Variants in FHAD1 observed in about 807,000 individuals in gnomAD.
The protein encoded by FHAD1 is forkhead associated phosphopeptide binding domain 1.
Under a neutral mutation model 191.3 loss-of-function variants are expected in FHAD1, and 146 were observed. That is an observed-to-expected ratio of 0.76 (90% CI 0.67 to 0.88). The LOEUF (loss-of-function observed/expected upper bound fraction) is 0.88, where lower values mean the gene tolerates loss of function less well. Ranked by LOEUF, FHAD1 falls within the 40% of genes least tolerant of loss-of-function variation. The probability of loss-of-function intolerance (pLI) is 0.00; values close to 1 mark genes in which losing one functional copy is unlikely to be tolerated. For synonymous variants in FHAD1, 616 were observed against 672.3 expected, an observed-to-expected ratio of 0.92 and a Z score of 1.29; for missense variants, 1,635 against 1,785.8, an observed-to-expected ratio of 0.92 and a Z score of 1.52.
At chr1:15,351,380 A>T (rs750690080) in intron 19 of FHAD1, among the ~76,000 whole-genome samples, 23 of 152,286 alleles carry the variant, frequency 1.5e-4, no homozygotes, top group East Asian at 5.8e-4. Context: ...AAATTTTTTT[A>T]AAAAGTCTCC....
intron 6 of FHAD1, among the ~76,000 whole-genome samples, chr1:15,303,714 T>C (rs1315186740): frequency 6.6e-6 from 1 of 152,140 alleles, no homozygotes; most frequent in Non-Finnish European, 1.5e-5. Flanking sequence ...CCAAGCGTGA[T>C]GGTGCGTGCC....
In FHAD1 at chr1:15,381,488, G is replaced by A. The variant is rs2473333; in HGVS notation, c.4022+37G>A. ...CCCCCATGTCCCCACAGAAAGGCCC[G>A]GGCCTCCCTTCTCCTGGCTAAACTC... On this transcript the variant is annotated intron_variant, in intron 30 of 33. Coordinates refer to ENST00000688493, the MANE Select transcript of FHAD1 (RefSeq NM_001391957.1). This position sits in a 1 kb window ranked among gnomAD's most constrained non-coding sequence, Gnocchi z 4.6. 358,642 of 1,490,036 alleles carry A rather than the reference G, an allele frequency of 0.24. 44,534 individuals are homozygous for A. The highest frequency in any genetic ancestry group is 0.33 in the South Asian group (27,050 of 82,320). The allele number at this position is 1,490,036 out of a possible 1,614,324, so 92.3% of individuals were successfully genotyped here. A position where few individuals can be genotyped will look rare whatever the true frequency, so the allele number is the denominator to read the frequency against.
At chr1:15,354,958 C>A (rs911949175) in intron 20 of FHAD1, among the ~76,000 whole-genome samples, 5 of 152,314 alleles carry the variant, frequency 3.3e-5, no homozygotes, top group Admixed American at 6.5e-5. Flanking sequence ...CCTGTAATCC[C>A]AGCACTTTGG....
Position 15,256,489 on chromosome 1 carries a change from C to A in FHAD1, c.93+4612C>A, listed in dbSNP as rs909918832. 3.3e-5 allele frequency among the ~76,000 whole-genome samples: 5 copies of A among 151,870 alleles called. No individual in the cohort carries two copies. The South Asian group carries it at 6.2e-4, about 19-fold the overall frequency. On this transcript the variant is annotated intron_variant, in intron 2 of 33. Coordinates refer to ENST00000688493, the MANE Select transcript of FHAD1 (RefSeq NM_001391957.1). Reference sequence around the variant, plus strand: ...CCATCATGGTGAAACCCCATCTCTACCAAAAATACAAAAATTAGCCGGGTG... The same window carrying A: ...CCATCATGGTGAAACCCCATCTCTAACAAAAATACAAAAATTAGCCGGGTG...
Position 15,365,913 on chromosome 1 carries a change from G to A in FHAD1, c.3134G>A (p.Ser1045Asn). 6.4e-7 allele frequency: 1 copy of A among 1,551,092 alleles called. No homozygotes were observed. Reference sequence around the variant, plus strand: ...AGGAAAGACCTTACCGAAGCCCACAGCAGAATGTCGGATTTGAGAGGTTTG... The same window carrying A: ...AGGAAAGACCTTACCGAAGCCCACAACAGAATGTCGGATTTGAGAGGTTTG... ...KLRKDLTEAH[S>N]RMSDLRGELN... The change falls in exon 24 of 34, where the codon AGC (serine) becomes AAC (asparagine). Residue 1045 changes from serine (S) to asparagine (N), a missense_variant. Ser to Asn is a conservative substitution (Grantham distance 46). Transcript: ENST00000688493.
At chr1:15,268,061 T>G (rs906119910) in intron 2 of FHAD1, among the ~76,000 whole-genome samples, 81 of 151,268 alleles carry the variant, frequency 5.4e-4, no homozygotes, top group Admixed American at 9.2e-4. Context: ...TAGTTACATA[T>G]GTATACATGT....
chr1:15,388,577 G>A (rs574101870), intron 32 of FHAD1, among the ~76,000 whole-genome samples: 49 of 151,680 alleles, frequency 3.2e-4, no homozygotes, highest in African/African-American at 1.2e-3. Flanking sequence ...AGAATGAAAT[G>A]AGGGGGGTGA....
intron 19 of FHAD1, among the ~76,000 whole-genome samples, chr1:15,350,680 A>T (rs1004208221): frequency 6.6e-6 from 1 of 152,202 alleles, no homozygotes; most frequent in African/African-American, 2.4e-5. Flanking sequence ...CTCATCTGCC[A>T]TGTGGGTGTG....
chr1:15,373,650 T>TGAGACCAGC (rs1289998273), intron 26 of FHAD1, among the ~76,000 whole-genome samples: 1 of 152,082 alleles, frequency 6.6e-6, no homozygotes, highest in Non-Finnish European at 1.5e-5. Flanking sequence ...CTCAGGAGTT[T>TGAGACCAGC]GAGACCAGCG....
chr1:15,331,848 T>A (rs1490799344), intron 14 of FHAD1, among the ~76,000 whole-genome samples: 3 of 152,142 alleles, frequency 2.0e-5, no homozygotes, highest in African/African-American at 7.2e-5. Flanking sequence ...CAGAGAACTT[T>A]GCTCCATGTT....
Position 15,374,515 on chromosome 1 carries a change from G to A in FHAD1, c.3461G>A (p.Ser1154Asn). Residue 1154 changes from serine to asparagine, a missense_variant, in exon 27 of 34, where the codon AGC becomes AAC. By Grantham distance (46) the Ser-to-Asn change is conservative. Coordinates refer to ENST00000688493, the MANE Select transcript of FHAD1 (RefSeq NM_001391957.1). The part of the protein sequence containing the change: ...FSSSQEQQSF[S>N]DLGVRCKGSR... Reference sequence around the variant, plus strand: ...TTCTGCCCACAGCAGCAATCCTTCAGCGATCTAGGGGTCAGGTGCAAAGGG... The same window carrying A: ...TTCTGCCCACAGCAGCAATCCTTCAACGATCTAGGGGTCAGGTGCAAAGGG... The A allele has an allele frequency of 1.3e-6, 2 of 1,551,808 alleles. No homozygotes were observed. The highest frequency in any genetic ancestry group is 1.7e-6 in the Non-Finnish European group (2 of 1,147,010).
chr1:15,348,730 T>C (rs1689786731), intron 18 of FHAD1, among the ~76,000 whole-genome samples: 1 of 152,164 alleles, frequency 6.6e-6, no homozygotes, highest in Non-Finnish European at 1.5e-5. Flanking sequence ...GAGAGCTCTT[T>C]ATTCAGGCTC....
intron 22 of FHAD1, among the ~76,000 whole-genome samples, chr1:15,361,961 G>A (rs1214794429): frequency 4.7e-5 from 7 of 150,530 alleles, no homozygotes; most frequent in South Asian, 2.1e-4. Context: ...CCGAGATCGC[G>A]CCATTGCACT....
upstream of FHAD1, among the ~76,000 whole-genome samples, chr1:15,245,374 GTTT>G (rs1172156446): frequency 6.6e-6 from 1 of 151,904 alleles, no homozygotes; most frequent in Non-Finnish European, 1.5e-5. Flanking sequence ...TGTTCTTATT[GTTT>G]TTATTTGCTC....
chr1:15,243,182 G>A (rs1347076858), upstream of FHAD1, among the ~76,000 whole-genome samples: 1 of 152,216 alleles, frequency 6.6e-6, no homozygotes, highest in Non-Finnish European at 1.5e-5. Context: ...TCTGCCACGG[G>A]AAAAGGCAAG....
chr1:15,244,839 T>C (rs1398345012), upstream of FHAD1, among the ~76,000 whole-genome samples: 1 of 152,170 alleles, frequency 6.6e-6, no homozygotes, highest in East Asian at 1.9e-4. This position sits in a 1 kb window ranked among gnomAD's most constrained non-coding sequence, Gnocchi z 5.1. Context: ...ATTAGTCCAT[T>C]TGTGTTGCTA....
Position 15,360,558 on chromosome 1 carries a change from G to C in FHAD1, c.2817G>C (p.Gly939=). The change falls in exon 22 of 34, where the codon GGG becomes GGC. Residue 939 remains glycine (G), a synonymous_variant. Coordinates refer to ENST00000688493, the MANE Select transcript of FHAD1 (RefSeq NM_001391957.1). The part of the protein sequence containing the change: ...LQDEQESQRH[G]FEEEIMEYKE... ...ATGAGCAGGAATCACAGAGACACGG[G>C]TTTGAAGAAGAGATCATGGAATATA... is the stretch of plus-strand genomic sequence containing the variant. 1 of 1,552,118 alleles carries C rather than the reference G, an allele frequency of 6.4e-7. No individual in the cohort carries two copies. Among genetic ancestry groups the C allele is most frequent in the South Asian group, 1.2e-5 (1 of 84,058 alleles).
At chr1:15,306,088 GATA>G (rs769002662) in intron 6 of FHAD1, among the ~76,000 whole-genome samples, 4 of 152,356 alleles carry the variant, frequency 2.6e-5, no homozygotes, top group Non-Finnish European at 5.9e-5. Context: ...TAGCGATATG[GATA>G]ATAAGGCCCA....
intron 8 of FHAD1, among the ~76,000 whole-genome samples, chr1:15,315,734 C>A (rs1284988659): frequency 3.9e-5 from 6 of 152,088 alleles, no homozygotes; most frequent in African/African-American, 1.4e-4. Context: ...GATCTGCCCA[C>A]CTCGGCCTCC....
Sources: allele counts gnomAD v4.1 joint callset (sites outside exome capture counted in the v4.1 genomes callset), GRCh38; gene constraint gnomAD v4.1.1; non-coding constraint Gnocchi (gnomAD v3.1); transcripts MANE v1.5; gene names NCBI Gene and HGNC (gene_info 2026-07-23, HGNC 2026-07-21).